Variants in CACNA1E observed in about 807,000 individuals in gnomAD.
CACNA1E encodes voltage-dependent R-type calcium channel subunit alpha-1E.
CACNA1E carries 40 observed loss-of-function variants against 259.2 expected under a neutral mutation model. The ratio of observed to expected loss-of-function variants is 0.15; its 90% CI spans 0.12 to 0.20. The LOEUF is 0.20. CACNA1E is among the 10% of genes least tolerant of loss of function. The probability of loss-of-function intolerance (pLI) is 1.00; values close to 1 mark genes in which losing one functional copy is unlikely to be tolerated. For missense variants in CACNA1E, 1,874 were observed against 3,040.1 expected (o/e 0.62, Z 9.02); for synonymous variants, 1,104 against 1,138.5 (o/e 0.97, Z 0.61).
rs550673375 is a variant in CACNA1E, at chr1:181,563,079, T to G, written c.513-14687T>G. 7.2e-5 allele frequency among the ~76,000 whole-genome samples: 11 copies of G among 152,362 alleles called. No homozygotes were observed. In the South Asian group the frequency reaches 2.1e-3, roughly 29 times the overall value. Reference sequence around the variant, plus strand: ...AAAATAAAAAGCATTTTGTTTTCTCTGACAAATAGCTCTCGTTCATTTTGA... The same window carrying G: ...AAAATAAAAAGCATTTTGTTTTCTCGGACAAATAGCTCTCGTTCATTTTGA... On this transcript the variant is annotated intron_variant, in intron 3 of 47. Coordinates refer to ENST00000367573, the MANE Select transcript of CACNA1E (RefSeq NM_001205293.3).
chr1:181,537,226 A>C (rs1173543831), intron 3 of CACNA1E, among the ~76,000 whole-genome samples: 4 of 150,336 alleles, frequency 2.7e-5, no homozygotes, highest in African/African-American at 9.8e-5. Context: ...CAGCTTCCCA[A>C]GTAACTGGGA....
intron 1 of CACNA1E, among the ~76,000 whole-genome samples, chr1:181,324,424 T>C (rs1175734245): frequency 6.6e-6 from 1 of 152,190 alleles, no homozygotes; most frequent in African/African-American, 2.4e-5. Context: ...TCACAGATTC[T>C]CTATGGCTAT....
At chr1:181,657,352 A>G (rs1265817769) in intron 7 of CACNA1E, among the ~76,000 whole-genome samples, 1 of 152,186 alleles carries the variant, frequency 6.6e-6, no homozygotes, top group Non-Finnish European at 1.5e-5. Context: ...TTTAGGCAAT[A>G]TCTAAAATGG....
rs1005235775 is a variant in CACNA1E, at chr1:181,798,431, G to A, written c.6539G>A (p.Gly2180Asp). Reference protein sequence around the residue: ...LSYSSLIRHAGSISPPADGSE... With the variant: ...LSYSSLIRHADSISPPADGSE... ...TACAGCTCCCTGATTCGACACGCGGGCAGCATCTCTCCACCTGCTGATGGA... is the reference window on the plus strand; with the variant it reads ...TACAGCTCCCTGATTCGACACGCGGACAGCATCTCTCCACCTGCTGATGGA... Residue 2180 changes from glycine (G) to aspartate (D), a missense_variant, in exon 48 of 48, where the codon GGC becomes GAC. Transcript: ENST00000367573. The surrounding 1 kb of genome is among the most constrained non-coding windows in gnomAD (Gnocchi z 4.2). 2 of 1,613,604 alleles carry A rather than the reference G, an allele frequency of 1.2e-6. No individual in the cohort carries two copies. The highest frequency in any genetic ancestry group is 2.7e-5 in the African/African-American group (2 of 74,886).
At chr1:181,793,891 C>A in intron 45 of CACNA1E, 98 bp downstream of exon 45, 1 of 1,274,428 alleles carries the variant, frequency 7.8e-7, no homozygotes, top group Non-Finnish European at 1.1e-6. Flanking sequence ...CGTTGACTTG[C>A]CCGCACCCCT....
chr1:181,321,365 T>G (rs1277896374), intron 1 of CACNA1E, among the ~76,000 whole-genome samples: 2 of 152,158 alleles, frequency 1.3e-5, no homozygotes, highest in Admixed American at 6.5e-5. Flanking sequence ...GAATCCTACC[T>G]GGGGTGGTGG....
chr1:181,803,949 G>C lies in CACNA1E; in HGVS notation c.*5115G>C, dbSNP rs911846298. 5 of 152,208 alleles carry C rather than the reference G, an allele frequency of 3.3e-5. No homozygotes were observed. Among genetic ancestry groups the C allele is most frequent in the South Asian group, 2.1e-4 (1 of 4,830 alleles). The allele number at this position is 152,208 out of a possible 1,614,324, so 9.4% of individuals were successfully genotyped here. On this transcript the variant is annotated 3_prime_UTR_variant, in exon 48 of 48. Coordinates refer to ENST00000367573, the MANE Select transcript of CACNA1E (RefSeq NM_001205293.3). ...ACCCCCAAACTGCCCTTCTGTTTTTGTAGTTTTGCTTTCTTCCACCCACCC... is the reference window on the plus strand; with the variant it reads ...ACCCCCAAACTGCCCTTCTGTTTTTCTAGTTTTGCTTTCTTCCACCCACCC...
intron 7 of CACNA1E, among the ~76,000 whole-genome samples, chr1:181,685,216 T>A (rs2102287924): frequency 1.5e-5 from 2 of 133,442 alleles, no homozygotes; most frequent in African/African-American, 2.8e-5. Context: ...AGGTAGCACA[T>A]AGCCCACCTT....
At chr1:181,465,927 T>G (rs1324386692) in intron 2 of CACNA1E, among the ~76,000 whole-genome samples, 1 of 152,186 alleles carries the variant, frequency 6.6e-6, no homozygotes, top group African/African-American at 2.4e-5. Flanking sequence ...AGAGTAGTTT[T>G]GTTTGGTTTT....
At chr1:181,462,653 G>A (rs2250864) in intron 2 of CACNA1E, among the ~76,000 whole-genome samples, 85,674 of 151,984 alleles carry the variant, frequency 0.56, 25,951 homozygotes, top group African/African-American at 0.8. Flanking sequence ...ACTCCTCTGA[G>A]ATTGATATTT....
At position 181,429,226 on chromosome 1, in the gene CACNA1E, A is replaced by G. The variant is rs535166049; in HGVS notation, c.434+15646A>G. Among the ~76,000 whole-genome samples the G allele has an allele frequency of 4.6e-4, 70 of 152,286 alleles. No homozygotes were observed. In the Middle Eastern group the frequency reaches 0.01, roughly 22 times the overall value. ...TGTTTCTGTAAAGGAAACTACCTAT[A>G]GGAAGCTGCGTGACCTTGGCCAGGC... On this transcript the variant is annotated intron_variant, in intron 2 of 11. Coordinates refer to the CACNA1E transcript ENST00000524607.
At chr1:181,348,300 G>A (rs922972695) in intron 1 of CACNA1E, among the ~76,000 whole-genome samples, 1 of 152,022 alleles carries the variant, frequency 6.6e-6, no homozygotes, top group Admixed American at 6.5e-5. Context: ...GTCAGCATGG[G>A]GGAGGGTATC....
At chr1:181,350,413 C>G (rs960760121) in intron 1 of CACNA1E, among the ~76,000 whole-genome samples, 1 of 152,126 alleles carries the variant, frequency 6.6e-6, no homozygotes, top group South Asian at 2.1e-4. Context: ...GCTTTAAGCA[C>G]CCCTCCTCTT....
At chr1:181,494,793 G>T (rs1664608963) in intron 1 of CACNA1E, among the ~76,000 whole-genome samples, 1 of 152,128 alleles carries the variant, frequency 6.6e-6, no homozygotes, top group Non-Finnish European at 1.5e-5. Context: ...TATGTCATCT[G>T]CAGATTTATA....
chr1:181,329,747 C>T (rs1651094268), intron 1 of CACNA1E, among the ~76,000 whole-genome samples: 1 of 152,202 alleles, frequency 6.6e-6, no homozygotes, highest in South Asian at 2.1e-4. Context: ...TTATAGCATC[C>T]TACAGTTTTA....
At chr1:181,719,056 C>T (rs1016545300) in intron 12 of CACNA1E, among the ~76,000 whole-genome samples, 8 of 152,172 alleles carry the variant, frequency 5.3e-5, no homozygotes, top group South Asian at 2.1e-4. Context: ...GTTCTGAGTA[C>T]GGGCAATTTT....
At chr1:181,530,216 A>G (rs986746422) in intron 3 of CACNA1E, among the ~76,000 whole-genome samples, 3 of 152,240 alleles carry the variant, frequency 2.0e-5, no homozygotes, top group Admixed American at 6.5e-5. Context: ...TGCCGCCGCC[A>G]TGTTAAGAAG....
chr1:181,479,692 T>C (rs768940056), upstream of CACNA1E, among the ~76,000 whole-genome samples: 5 of 152,212 alleles, frequency 3.3e-5, no homozygotes, highest in Non-Finnish European at 7.3e-5. Flanking sequence ...TTCCATAGGC[T>C]TAGTGTCATT....
At chr1:181,415,951 T>C (rs1230357179) in intron 2 of CACNA1E, among the ~76,000 whole-genome samples, 1 of 152,128 alleles carries the variant, frequency 6.6e-6, no homozygotes, top group Non-Finnish European at 1.5e-5. Flanking sequence ...CAGCACTGGG[T>C]TTTTGAGAAG....
Sources: allele counts gnomAD v4.1 joint callset (sites outside exome capture counted in the v4.1 genomes callset), GRCh38; gene constraint gnomAD v4.1.1; non-coding constraint Gnocchi (gnomAD v3.1); transcripts MANE v1.5; gene names NCBI Gene and HGNC (gene_info 2026-07-23, HGNC 2026-07-21).